PDE12: variants seen among roughly 807,000 people sequenced by gnomAD.
PDE12 encodes the protein 2',5'-phosphodiesterase 12.
Under a neutral mutation model 45.4 loss-of-function variants are expected in PDE12, and 26 were observed. That is an observed-to-expected ratio of 0.57 (90% CI 0.42 to 0.79). The LOEUF (loss-of-function observed/expected upper bound fraction) is 0.79. PDE12 is among the 30% of genes least tolerant of loss of function. The pLI is 0.00. For synonymous variants in PDE12, 283 were observed against 323.9 expected (o/e 0.87, Z 1.36); for missense variants, 668 against 790.0 (o/e 0.85, Z 1.85).
the PDE12 span, among the ~76,000 whole-genome samples, chr3:57,631,457 G>C: frequency 2.0e-5 from 3 of 151,968 alleles, no homozygotes; most frequent in Admixed American, 2.0e-4. Flanking sequence ...GCCTCCCAAA[G>C]TGCTGGGATT....
chr3:57,596,841 G>A, the PDE12 span: 1 of 525,126 alleles, frequency 1.9e-6, no homozygotes, highest in Non-Finnish European at 3.4e-6. Context: ...GCCGAGTCCA[G>A]AAAGAAATCT....
At chr3:57,608,590 A>G in the PDE12 span, among the ~76,000 whole-genome samples, 279 of 152,060 alleles carry the variant, frequency 1.8e-3, no homozygotes, top group African/African-American at 6.5e-3. Flanking sequence ...TTGCAATCCT[A>G]GTCTCTGATA....
At chr3:57,581,899 G>A in the PDE12 span, among the ~76,000 whole-genome samples, 1 of 152,188 alleles carries the variant, frequency 6.6e-6, no homozygotes, top group African/African-American at 2.4e-5. Flanking sequence ...ATACATACAT[G>A]TGAGTTTATT....
chr3:57,606,878 A>G, the PDE12 span, among the ~76,000 whole-genome samples: 1 of 152,010 alleles, frequency 6.6e-6, no homozygotes, highest in African/African-American at 2.4e-5. Flanking sequence ...TGCATTTCCA[A>G]CTGAGCTTTG....
Position 57,561,236 on chromosome 3 carries a change from C to T in PDE12, c.*1232C>T. On this transcript the variant is annotated 3_prime_UTR_variant, in exon 3 of 3. Transcript: ENST00000311180. ...ACATTACTTTATGAGAAACTACCTA[C>T]TGATATGGGCTTGAAATTTTGGATG... 1 of 985,124 alleles carries T rather than the reference C, an allele frequency of 1.0e-6. No individual in the cohort carries two copies. Among genetic ancestry groups the T allele is most frequent in the Non-Finnish European group, 1.2e-6 (1 of 829,310 alleles). The allele number at this position is 985,124 out of a possible 1,614,324, so 61.0% of individuals were successfully genotyped here. A position where few individuals can be genotyped will look rare whatever the true frequency, so the allele number is the denominator to read the frequency against.
chr3:57,574,466 T>C, the PDE12 span, among the ~76,000 whole-genome samples: 1 of 150,518 alleles, frequency 6.6e-6, no homozygotes, highest in Non-Finnish European at 1.5e-5. Flanking sequence ...TGGGGTGCAA[T>C]GGGCACAATC....
At chr3:57,570,224 T>TTTTTC (rs1553729012), downstream of PDE12, among the ~76,000 whole-genome samples, 2 of 140,884 alleles carry the variant, frequency 1.4e-5, 1 homozygote, top group East Asian at 4.0e-4. Flanking sequence ...CCAGTGTTTT[T>TTTTTC]TTTTTTTTTT....
At chr3:57,580,325 T>C in the PDE12 span, among the ~76,000 whole-genome samples, 1 of 152,214 alleles carries the variant, frequency 6.6e-6, no homozygotes, top group Admixed American at 6.6e-5. Flanking sequence ...TGGGCATTTA[T>C]TTAGCAAATA....
At chr3:57,647,398 T>C in the PDE12 span, among the ~76,000 whole-genome samples, 17 of 152,044 alleles carry the variant, frequency 1.1e-4, 2 homozygotes, top group Admixed American at 9.8e-4. Context: ...ATCTCTGCCA[T>C]GAGGGAAAGA....
chr3:57,603,172 A>T, the PDE12 span, among the ~76,000 whole-genome samples: 1 of 152,114 alleles, frequency 6.6e-6, no homozygotes, highest in Non-Finnish European at 1.5e-5. Flanking sequence ...GTCTCAAAAA[A>T]AAAAAGGGGT....
downstream of PDE12, among the ~76,000 whole-genome samples, chr3:57,571,192 T>G (rs1461394862): frequency 1.3e-5 from 2 of 152,000 alleles, no homozygotes; most frequent in East Asian, 3.9e-4. Context: ...TTAATAGTGT[T>G]CCCCATGCTG....
the PDE12 span, chr3:57,583,798 A>C: frequency 1.1e-5 from 9 of 828,454 alleles, no homozygotes; most frequent in African/African-American, 1.4e-4. Flanking sequence ...ATGCCAACTC[A>C]TAGTAAACAC....
At chr3:57,636,886 G>A in the PDE12 span, among the ~76,000 whole-genome samples, 1 of 146,172 alleles carries the variant, frequency 6.8e-6, no homozygotes, top group African/African-American at 2.5e-5. Context: ...GCAGTAAGCC[G>A]AGATTGTGTC....
the PDE12 span, among the ~76,000 whole-genome samples, chr3:57,587,926 T>C: frequency 2.6e-5 from 4 of 152,168 alleles, no homozygotes; most frequent in African/African-American, 9.7e-5. Flanking sequence ...TTGAAAAAGG[T>C]ATTTATAAGC....
the PDE12 span, chr3:57,630,621 A>C: frequency 5.2e-6 from 8 of 1,527,594 alleles, 1 homozygote; most frequent in South Asian, 9.9e-5. Flanking sequence ...ACTTTAGTAG[A>C]ATTTTTTAAA....
In PDE12 at chr3:57,562,048, T is replaced by A. The variant is rs764542535; in HGVS notation, c.*2044T>A. On this transcript the variant is annotated 3_prime_UTR_variant, in exon 3 of 3. Coordinates refer to ENST00000311180, the MANE Select transcript of PDE12 (RefSeq NM_177966.7). ...GATTAAAACCAAATCTTGATTCTCT[T>A]GTGAATTTTTTTTTCATTTTAAAAA... is the stretch of plus-strand genomic sequence containing the variant. The A allele has an allele frequency of 2.3e-5, 23 of 980,730 alleles. No homozygotes were observed. Among genetic ancestry groups the A allele is most frequent in the Non-Finnish European group, 2.7e-5 (22 of 825,732 alleles). The allele number at this position is 980,730 out of a possible 1,614,324, so 60.8% of individuals were successfully genotyped here. A position where few individuals can be genotyped will look rare whatever the true frequency, so the allele number is the denominator to read the frequency against.
the PDE12 span, among the ~76,000 whole-genome samples, chr3:57,605,415 A>G: frequency 6.6e-6 from 1 of 152,128 alleles, no homozygotes; most frequent in Admixed American, 6.6e-5. Context: ...GTTGGGAACA[A>G]TGCCTGGTTC....
At position 57,556,756 on chromosome 3, in the gene PDE12, A is replaced by G. The variant is rs938771278; in HGVS notation, c.377A>G (p.Tyr126Cys). 1 of 1,605,696 alleles carries G rather than the reference A, an allele frequency of 6.2e-7. No homozygotes were observed. Among genetic ancestry groups the G allele is most frequent in the Non-Finnish European group, 8.5e-7 (1 of 1,174,138 alleles). ...TTCTGCGAGCCCGTGGTGAAGCTGTACTACCGGGAAGAGGCAGTGGCTGAG... is the reference window on the plus strand; with the variant it reads ...TTCTGCGAGCCCGTGGTGAAGCTGTGCTACCGGGAAGAGGCAGTGGCTGAG... ...AVFCEPVVKL[Y>C]YREEAVAEDV... The change falls in exon 1 of 3, where the codon TAC becomes TGC. Residue 126 changes from tyrosine (Y) to cysteine (C), a missense_variant. By Grantham distance (194) the Tyr-to-Cys change is radical. This residue lies in a region of PDE12 where 580 missense variants were observed against 662.9 expected (regional missense o/e 0.87). Transcript: ENST00000311180. This position sits in a 1 kb window ranked among gnomAD's most constrained non-coding sequence, Gnocchi z 5.0.
At chr3:57,594,797 A>G in the PDE12 span, among the ~76,000 whole-genome samples, 6 of 152,238 alleles carry the variant, frequency 3.9e-5, no homozygotes, top group African/African-American at 1.4e-4. Flanking sequence ...TGGGGCAGAC[A>G]CTTTAAAAGT....
Sources: gnomAD v4.1 joint callset for allele counts (sites outside exome capture counted in the v4.1 genomes callset) on GRCh38, gnomAD v4.1.1 for gene constraint, gnomAD v4.1.1 regional missense constraint, Gnocchi (gnomAD v3.1) non-coding constraint, MANE v1.5 for transcripts, NCBI Gene and HGNC (gene_info 2026-07-23, HGNC 2026-07-21) for gene names.